Variants in MUC6 observed in about 807,000 individuals in gnomAD.
The protein encoded by MUC6 is mucin 6, oligomeric mucus/gel-forming (gene/pseudogene).
Under a neutral mutation model 201.5 loss-of-function variants are expected in MUC6, and 188 were observed. The observed-to-expected ratio is 0.93, with a 90% confidence interval of 0.83 to 1.05. The LOEUF (loss-of-function observed/expected upper bound fraction) is 1.05, where lower values mean the gene tolerates loss of function less well. Among genes scored for constraint, MUC6 ranks in the 50% least tolerant of loss-of-function variants. The pLI is 0.00. For synonymous variants in MUC6, 1,228 were observed against 1,389.4 expected, an observed-to-expected ratio of 0.88 and a Z score of 2.58; for missense variants, 2,706 against 3,256.9, an observed-to-expected ratio of 0.83 and a Z score of 4.12.
In MUC6 at chr11:1,023,936, T is replaced by C; in HGVS notation, c.3382+11A>G. ...GGGCTGGAGCAACCTGTGGGAGGGG[T>C]GGTCACTCACGGCAGAAGGCCGGGG... On this transcript the variant is annotated intron_variant, in intron 25 of 32. Transcript: ENST00000421673. The C allele has an allele frequency of 6.2e-7, 1 of 1,606,422 alleles. No individual in the cohort carries two copies. The highest frequency in any genetic ancestry group is 2.2e-5 in the East Asian group (1 of 44,558).
chr11:1,028,523 C>G (rs1195823224), intron 13 of MUC6, 123 bp downstream of exon 13: 9 of 1,534,896 alleles, frequency 5.9e-6, no homozygotes, highest in Non-Finnish European at 7.9e-6. Flanking sequence ...TGCCTGTTAC[C>G]CCTGGGGGCT....
chr11:1,032,790 C>T (rs1020924231), intron 2 of MUC6, among the ~76,000 whole-genome samples: 2 of 148,130 alleles, frequency 1.4e-5, no homozygotes, highest in Non-Finnish European at 3.0e-5. Flanking sequence ...GACGTGTGCT[C>T]ATGCATGTGT....
rs1857078939 is a variant in MUC6, at chr11:1,030,630, G to A, written c.835C>T (p.Arg279Cys). 4 of 1,541,542 alleles carry A rather than the reference G, an allele frequency of 2.6e-6. No homozygotes were observed. The highest frequency in any genetic ancestry group is 2.6e-6 in the Non-Finnish European group (3 of 1,144,932). Residue 279 changes from arginine (R) to cysteine (C), a missense_variant, in exon 7 of 33, where the codon CGC becomes TGC. Physicochemically the swap from Arg to Cys is radical, Grantham distance 180. This residue lies in a region of MUC6 where 1,850 missense variants were observed against 1,958.3 expected (regional missense o/e 0.94). Coordinates refer to ENST00000421673, the MANE Select transcript of MUC6 (RefSeq NM_005961.3). ...GGCTGGCCCACCATGCTGCACTGGC[G>A]GGAGTACTCCGACAGGGTGGCACAA... ...SSCATLSEYS[R>C]QCSMVGQPVR...
At chr11:1,035,298 C>T (rs1857192735) in intron 1 of MUC6, among the ~76,000 whole-genome samples, 1 of 152,246 alleles carries the variant, frequency 6.6e-6, no homozygotes, top group Non-Finnish European at 1.5e-5. Context: ...GGCCTCACCA[C>T]ACCTCCCTCC....
rs1856600689 is a variant in MUC6 at position 1,016,077 on chromosome 11, C to T, written c.6724G>A (p.Ala2242Thr). The change falls in exon 31 of 33, where the codon GCC becomes ACC. Residue 2242 changes from alanine to threonine, a missense_variant. By Grantham distance (58) the Ala-to-Thr change is moderately conservative. Around this residue, in one of 10 missense-constraint regions of MUC6, gnomAD observed 586 missense variants for 488.0 expected, o/e 1.20. Coordinates refer to ENST00000421673, the MANE Select transcript of MUC6 (RefSeq NM_005961.3). Reference protein sequence around the residue: ...TVSPTPSSHLASSTIAFPSTP... With the variant: ...TVSPTPSSHLTSSTIAFPSTP... The stretch of plus-strand genomic sequence containing the variant: ...GACGGAAATGCAATGGTGCTGGAGG[C>T]TAGGTGGCTGGATGGGGTGGGAGAC... 2 of 1,612,406 alleles carry T rather than the reference C, an allele frequency of 1.2e-6. No homozygotes were observed. The highest frequency in any genetic ancestry group is 1.1e-5 in the South Asian group (1 of 90,970).
chr11:1,030,417 G>A, intron 7 of MUC6, 82 bp from the exon 8 acceptor site: 1 of 1,331,034 alleles, frequency 7.5e-7, no homozygotes, highest in African/African-American at 1.7e-5. Context: ...GGAGGACTTA[G>A]CCCAGCCCTT....
At chr11:1,018,908 A>G (rs1856746077) in intron 30 of MUC6, 138 bp from the exon 31 acceptor site, 2 of 1,136,050 alleles carry the variant, frequency 1.8e-6, no homozygotes, top group African/African-American at 1.6e-5. Flanking sequence ...CCTGCTGGGC[A>G]CTCCAGCCTG....
At chr11:1,014,079 G>A in intron 31 of MUC6, 78 bp from the exon 32 acceptor site, 3 of 1,294,164 alleles carry the variant, frequency 2.3e-6, no homozygotes, top group African/African-American at 1.5e-5. Flanking sequence ...GCTAGAGACC[G>A]GGGTCCCCAC....
rs1452874784 is a variant in MUC6, at chr11:1,033,746, T to C, written c.53-671A>G. 6.6e-6 allele frequency among the ~76,000 whole-genome samples: 1 copy of C among 150,668 alleles called. No individual in the cohort carries two copies. Among genetic ancestry groups the C allele is most frequent in the Non-Finnish European group, 1.5e-5 (1 of 67,614 alleles). On this transcript the variant is annotated intron_variant, in intron 1 of 32. Coordinates refer to ENST00000421673, the MANE Select transcript of MUC6 (RefSeq NM_005961.3). The surrounding 1 kb of genome is among the most constrained non-coding windows in gnomAD (Gnocchi z 5.6). ...CCAACACCCCCCACGTCCCACCCCC[T>C]GTACCCAGAGGGAGACTTTTCCCAC...
Position 1,018,485 on chromosome 11 carries a change from G to C in MUC6, c.4316C>G (p.Pro1439Arg), listed in dbSNP as rs1452760755. ...AACGTGAGTGGGAAGTGTGGTCTCAGGGTGTGATGGGGTTGGATAGGTAGT... is the reference window on the plus strand; with the variant it reads ...AACGTGAGTGGGAAGTGTGGTCTCACGGTGTGATGGGGTTGGATAGGTAGT... ...ATTTYPTPSH[P>R]ETTLPTHVPP... Residue 1439 changes from proline (P) to arginine (R), a missense_variant, in exon 31 of 33, where the codon CCT becomes CGT. Around this residue, in one of 10 missense-constraint regions of MUC6, gnomAD observed 128 missense variants for 206.5 expected, o/e 0.62. Coordinates refer to ENST00000421673, the MANE Select transcript of MUC6 (RefSeq NM_005961.3). The C allele has an allele frequency of 1.2e-6, 2 of 1,613,918 alleles. No individual in the cohort carries two copies. The highest frequency in any genetic ancestry group is 1.7e-6 in the Non-Finnish European group (2 of 1,179,780).
chr11:1,020,596 C>A, intron 28 of MUC6, 88 bp downstream of exon 28: 1 of 1,571,298 alleles, frequency 6.4e-7, no homozygotes, highest in African/African-American at 1.3e-5. Context: ...CCCCTCCCTG[C>A]TTCCCACCCG....
Position 1,016,333 on chromosome 11 carries a change from C to T in MUC6, c.6468G>A (p.Ser2156=), listed in dbSNP as rs769126608. The change falls in exon 31 of 33, where the codon TCG becomes TCA. Residue 2156 remains serine, a synonymous_variant. Coordinates refer to ENST00000421673, the MANE Select transcript of MUC6 (RefSeq NM_005961.3). ...AAGAGGAAGATGTGCCAACAGAAGGCGATGAAGTCTGGGGAGAGGAGTGGG... is the reference window on the plus strand; with the variant it reads ...AAGAGGAAGATGTGCCAACAGAAGGTGATGAAGTCTGGGGAGAGGAGTGGG... ...PSSHSSPQTS[S]PSVGTSSSFV... The T allele has an allele frequency of 1.4e-5, 22 of 1,610,778 alleles. 1 individual carries two copies. The highest frequency in any genetic ancestry group is 4.5e-5 in the East Asian group (2 of 44,820).
chr11:1,033,029 C>T lies in MUC6; in HGVS notation c.99G>A (p.Lys33=). Residue 33 remains lysine, a synonymous_variant, in exon 2 of 33, where the codon AAG becomes AAA. Coordinates refer to ENST00000421673, the MANE Select transcript of MUC6 (RefSeq NM_005961.3). This position sits in a 1 kb window ranked among gnomAD's most constrained non-coding sequence, Gnocchi z 5.6. The part of the protein sequence containing the change: ...SYTSPGLQRL[K]DSPQTAPDKG... ...TGTTCTTACCTGTCTGTGGAGAGTCCTTCAGCCTCTGGAGGCCTGGGCTGG... is the reference window on the plus strand; with the variant it reads ...TGTTCTTACCTGTCTGTGGAGAGTCTTTCAGCCTCTGGAGGCCTGGGCTGG... The T allele has an allele frequency of 6.2e-7, 1 of 1,605,672 alleles. No homozygotes were observed. Among genetic ancestry groups the T allele is most frequent in the Admixed American group, 1.7e-5 (1 of 59,702 alleles).
chr11:1,019,246 T>A, intron 30 of MUC6, 29 bp downstream of exon 30: 6 of 1,608,868 alleles, frequency 3.7e-6, no homozygotes, highest in Non-Finnish European at 5.1e-6. Flanking sequence ...CCTTCGGCAG[T>A]GCTGGCATCC....
rs1295971256 is a variant in MUC6 at position 1,031,152 on chromosome 11, G to T, written c.574+17C>A. On this transcript the variant is annotated intron_variant, in intron 5 of 32. Coordinates refer to ENST00000421673, the MANE Select transcript of MUC6 (RefSeq NM_005961.3). The stretch of plus-strand genomic sequence containing the variant: ...TAGAGGCCCCCCCAGAGGCCCCCCA[G>T]CCCTGCCCCCACCTACCCTCCTCAC... 1.8e-6 allele frequency: 1 copy of T among 551,714 alleles called. No homozygotes were observed. The highest frequency in any genetic ancestry group is 2.7e-6 in the Non-Finnish European group (1 of 368,740). The allele number at this position is 551,714 out of a possible 1,614,324, so 34.2% of individuals were successfully genotyped here. A position where few individuals can be genotyped will look rare whatever the true frequency, so the allele number is the denominator to read the frequency against.
chr11:1,023,897 G>A, intron 25 of MUC6, 50 bp downstream of exon 25: 1 of 1,593,546 alleles, frequency 6.3e-7, no homozygotes, highest in East Asian at 2.3e-5. Flanking sequence ...GCCCTTAGTG[G>A]CGCTGGGTGG....
Position 1,032,912 on chromosome 11 carries a change from A to C in MUC6, c.115+101T>G. The C allele has an allele frequency of 3.0e-6, 3 of 984,962 alleles. No homozygotes were observed. In the South Asian group the frequency reaches 4.9e-5, roughly 16 times the overall value. 61.0% of individuals were successfully genotyped at this position (984,962 alleles called of 1,614,324 possible). On this transcript the variant is annotated intron_variant, in intron 2 of 32. Coordinates refer to ENST00000421673, the MANE Select transcript of MUC6 (RefSeq NM_005961.3). ...ATGTTGGTGCATATATGTGTGTTGG[A>C]TGTGTGTGTCTTGGGGGTGACCTGG...
intron 4 of MUC6, 42 bp from the exon 5 acceptor site, chr11:1,031,301 C>T (rs1857098567): frequency 2.6e-6 from 4 of 1,531,386 alleles, no homozygotes; most frequent in African/African-American, 2.8e-5. Flanking sequence ...GGCCAGGGGC[C>T]CCCTCATCTG....
Position 1,016,294 on chromosome 11 carries a change from G to A in MUC6, c.6507C>T (p.Pro2169=), listed in dbSNP as rs761927030. 6.2e-6 allele frequency: 10 copies of A among 1,612,148 alleles called. No individual in the cohort carries two copies. In the African/African-American group the frequency reaches 6.7e-5, roughly 11 times the overall value. ...CCGAGCTCAGGGTTGTGGAGTGCAC[G>A]GGGGCGGACACGAAAGAGGAAGATG... ...VGTSSSFVSA[P]VHSTTLSSGS... is the part of the protein sequence containing the mutation. The change falls in exon 31 of 33, where the codon CCC becomes CCT. Residue 2169 remains proline (P), a synonymous_variant. Coordinates refer to ENST00000421673, the MANE Select transcript of MUC6 (RefSeq NM_005961.3).
Sources: gnomAD v4.1 joint callset for allele counts (sites outside exome capture counted in the v4.1 genomes callset) on GRCh38, gnomAD v4.1.1 for gene constraint, gnomAD v4.1.1 regional missense constraint, Gnocchi (gnomAD v3.1) non-coding constraint, MANE v1.5 for transcripts, NCBI Gene and HGNC (gene_info 2026-07-23, HGNC 2026-07-21) for gene names.